The following OR3A2 variants were observed in gnomAD, a reference collection of about 807,000 sequenced individuals.
OR3A2 encodes olfactory receptor family 3 subfamily A member 2.
For missense variants in OR3A2, 318 were observed against 392.8 expected (o/e 0.81, Z 1.61); for synonymous variants, 126 against 159.3 (o/e 0.79, Z 1.57).
intron 3 of OR3A2, among the ~76,000 whole-genome samples, chr17:3,321,853 T>G (rs1185343387): frequency 2.6e-5 from 4 of 152,120 alleles, no homozygotes; most frequent in Non-Finnish European, 5.9e-5. Context: ...TTTGTGGTTG[T>G]GTCTCTGCCA....
chr17:3,362,183 G>T (rs1313368463), intron 2 of OR3A2, among the ~76,000 whole-genome samples: 2 of 151,718 alleles, frequency 1.3e-5, no homozygotes, highest in African/African-American at 4.9e-5. Flanking sequence ...ATTTCTTCTA[G>T]ATTTTCTAGT....
intron 2 of OR3A2, among the ~76,000 whole-genome samples, chr17:3,377,000 T>G (rs1299316929): frequency 1.3e-5 from 2 of 152,264 alleles, no homozygotes; most frequent in Non-Finnish European, 2.9e-5. Flanking sequence ...GATCTGATTT[T>G]CAGGTTCCCT....
chr17:3,292,543 C>T (rs1457460746), intron 3 of OR3A2: 1 of 1,613,592 alleles, frequency 6.2e-7, no homozygotes, highest in Non-Finnish European at 8.5e-7. Flanking sequence ...AGGATGAACT[C>T]AGCAATGACT....
At position 3,321,742 on chromosome 17, in the gene OR3A2, GGTGGAT is replaced by G. The variant is rs923311222; in HGVS notation, c.-85+14285_-85+14290del. On this transcript the variant is annotated intron_variant, in intron 3 of 4. Transcript: ENST00000573491. ...CCAGGGATGAAGCCCACTTGATCAT[GGTGGAT>G]AAGCTTTTTGATGTGCTGCTGGATT... is the stretch of plus-strand genomic sequence containing the variant. Among the ~76,000 whole-genome samples the G allele has an allele frequency of 2.0e-3, 298 of 152,208 alleles. 1 individual carries two copies. The highest frequency in any genetic ancestry group is 6.6e-3 in the African/African-American group (273 of 41,522).
chr17:3,306,540 T>C (rs9894414), intron 3 of OR3A2, among the ~76,000 whole-genome samples: 1 of 151,758 alleles, frequency 6.6e-6, no homozygotes, highest in East Asian at 1.9e-4. Context: ...CCTACAAATA[T>C]ATAGAGTGTT....
At chr17:3,295,042 G>A (rs1295492661) in intron 3 of OR3A2, among the ~76,000 whole-genome samples, 1 of 151,692 alleles carries the variant, frequency 6.6e-6, no homozygotes, top group African/African-American at 2.4e-5. Flanking sequence ...ATAAACTGGT[G>A]GTTAATATTA....
intron 3 of OR3A2, chr17:3,310,252 C>A (rs542036160): frequency 2.1e-5 from 10 of 483,996 alleles, no homozygotes; most frequent in South Asian, 1.4e-4. Flanking sequence ...CCTCATCCTG[C>A]TTCTGCCACC....
At chr17:3,359,087 AT>A (rs2049487863) in intron 2 of OR3A2, among the ~76,000 whole-genome samples, 1 of 151,788 alleles carries the variant, frequency 6.6e-6, no homozygotes, top group East Asian at 1.9e-4. Context: ...TTTGTCTGAA[AT>A]TAGGATTGCA....
intron 3 of OR3A2, among the ~76,000 whole-genome samples, chr17:3,319,855 T>C (rs1430865588): frequency 1.3e-5 from 2 of 152,354 alleles, no homozygotes; most frequent in East Asian, 1.9e-4. Context: ...TGTGTCTTTA[T>C]AGCAGCATGA....
chr17:3,277,976 C>A, exon 2 of OR3A2: 1 of 1,596,308 alleles, frequency 6.3e-7, no homozygotes, highest in South Asian at 1.1e-5. Context: ...CCTCTCAGGT[C>A]AGTGATCTCC....
exon 2 of OR3A2, chr17:3,277,560 A>G (rs1214988615): frequency 5.9e-6 from 1 of 170,912 alleles, no homozygotes; most frequent in East Asian, 1.5e-4. Flanking sequence ...CTATCCAGAA[A>G]GTAGGCACAG....
At chr17:3,346,597 GT>G (rs2049365366) in intron 2 of OR3A2, among the ~76,000 whole-genome samples, 1 of 151,206 alleles carries the variant, frequency 6.6e-6, no homozygotes. Flanking sequence ...ATTAATTATA[GT>G]TACTCTGCTG....
intron 1 of OR3A2, among the ~76,000 whole-genome samples, chr17:3,282,151 A>G (rs2048780545): frequency 6.6e-6 from 1 of 152,160 alleles, no homozygotes; most frequent in Non-Finnish European, 1.5e-5. Context: ...GCAGTGGCTC[A>G]CACCTGTAAT....
intron 3 of OR3A2, among the ~76,000 whole-genome samples, chr17:3,300,505 G>C (rs1164451249): frequency 6.6e-5 from 10 of 152,168 alleles, no homozygotes; most frequent in African/African-American, 1.9e-4. Context: ...GTTGCAGTGA[G>C]CTGAGATCAC....
At chr17:3,349,005 C>A (rs2049395068) in intron 2 of OR3A2, among the ~76,000 whole-genome samples, 1 of 152,124 alleles carries the variant, frequency 6.6e-6, no homozygotes, top group Non-Finnish European at 1.5e-5. Flanking sequence ...GCCACCAGGC[C>A]TGCACTAAAA....
upstream of OR3A2, among the ~76,000 whole-genome samples, chr17:3,286,502 C>A (rs1434126708): frequency 6.6e-6 from 1 of 152,192 alleles, no homozygotes; most frequent in African/African-American, 2.4e-5. Context: ...CTGTCTTCCA[C>A]AATAGTTGAA....
At chr17:3,383,897 A>G (rs1404309985) in exon 2 of OR3A2, 2 of 151,902 alleles carry the variant, frequency 1.3e-5, no homozygotes, top group Non-Finnish European at 2.9e-5. Flanking sequence ...GCTCTTCCAA[A>G]AGCTTCATTC....
intron 3 of OR3A2, chr17:3,292,598 A>G (rs2150622395): frequency 6.3e-7 from 1 of 1,575,906 alleles, no homozygotes; most frequent in East Asian, 2.2e-5. Flanking sequence ...CCTGCAAAGA[A>G]ACATCCAGGG....
At chr17:3,355,006 A>T (rs1243647381) in intron 2 of OR3A2, among the ~76,000 whole-genome samples, 2 of 151,246 alleles carry the variant, frequency 1.3e-5, no homozygotes, top group African/African-American at 4.9e-5. Context: ...CAATGTTGTT[A>T]TTGGCCCACT....
Sources: allele counts gnomAD v4.1 joint callset (sites outside exome capture counted in the v4.1 genomes callset), GRCh38; gene constraint gnomAD v4.1.1; transcripts MANE v1.5; gene names NCBI Gene and HGNC (gene_info 2026-07-23, HGNC 2026-07-21).